The following PTPRD variants were observed in gnomAD, a reference collection of about 807,000 sequenced individuals.
PTPRD encodes the protein receptor-type tyrosine-protein phosphatase delta.
PTPRD carries 34 observed loss-of-function variants against 214.5 expected under a neutral mutation model. The ratio of observed to expected loss-of-function variants is 0.16; its 90% CI spans 0.12 to 0.21. PTPRD has a LOEUF of 0.21. PTPRD is among the 10% of genes least tolerant of loss of function. PTPRD has a pLI of 1.00. For missense variants in PTPRD, 2,545 were observed against 2,398.7 expected (o/e 1.06, Z -1.27); for synonymous variants, 1,128 against 845.7 (o/e 1.33, Z -5.79).
chr9:10,220,240 A>G (rs1800333435), intron 3 of PTPRD, among the ~76,000 whole-genome samples: 1 of 151,938 alleles, frequency 6.6e-6, no homozygotes, highest in African/African-American at 2.4e-5. Flanking sequence ...TTTTAAAATG[A>G]TGAAAAATTA....
intron 10 of PTPRD, among the ~76,000 whole-genome samples, chr9:9,101,147 A>T (rs1470473650): frequency 1.3e-5 from 2 of 151,916 alleles, no homozygotes; most frequent in African/African-American, 4.8e-5. Context: ...AGCTTTAGCA[A>T]ATGAACAATA....
intron 8 of PTPRD, among the ~76,000 whole-genome samples, chr9:9,448,790 G>C (rs1395706025): frequency 6.6e-6 from 1 of 152,000 alleles, no homozygotes; most frequent in East Asian, 1.9e-4. Context: ...GTTTTCAGCA[G>C]GGGGATTAAA....
intron 2 of PTPRD, among the ~76,000 whole-genome samples, chr9:10,497,816 C>T (rs1051099548): frequency 6.6e-6 from 1 of 151,812 alleles, no homozygotes; most frequent in Non-Finnish European, 1.5e-5. Flanking sequence ...CTAAAATTAA[C>T]GTTTATTGTT....
At chr9:9,834,928 T>A (rs534313473) in intron 5 of PTPRD, among the ~76,000 whole-genome samples, 1 of 152,050 alleles carries the variant, frequency 6.6e-6, no homozygotes, top group African/African-American at 2.4e-5. Flanking sequence ...ACCTAACAGG[T>A]ACTTTTGTTT....
intron 3 of PTPRD, among the ~76,000 whole-genome samples, chr9:10,078,077 G>A (rs2098164330): frequency 6.6e-6 from 1 of 151,162 alleles, no homozygotes; most frequent in Non-Finnish European, 1.5e-5. Context: ...ATAATTCCAA[G>A]GACCCTGAGA....
At chr9:9,492,942 C>A (rs1242446527) in intron 8 of PTPRD, among the ~76,000 whole-genome samples, 1 of 146,232 alleles carries the variant, frequency 6.8e-6, no homozygotes, top group Non-Finnish European at 1.5e-5. Flanking sequence ...ATGAACCCAA[C>A]CCATATAAGA....
At chr9:8,741,602 G>A (rs1455364435) in intron 11 of PTPRD, among the ~76,000 whole-genome samples, 19 of 32,054 alleles carry the variant, frequency 5.9e-4, no homozygotes, top group Non-Finnish European at 9.0e-4. Context: ...TTTTTTTTTT[G>A]AGATGAAGTC....
At chr9:9,982,178 GC>G (rs1198055615) in intron 4 of PTPRD, among the ~76,000 whole-genome samples, 2 of 152,066 alleles carry the variant, frequency 1.3e-5, no homozygotes, top group East Asian at 3.9e-4. Context: ...ACAGATCTGT[GC>G]CAAGAAACCT....
At chr9:9,258,716 A>G (rs1594714859) in intron 9 of PTPRD, among the ~76,000 whole-genome samples, 2 of 151,902 alleles carry the variant, frequency 1.3e-5, no homozygotes, top group South Asian at 4.1e-4. Context: ...CTTTTAGTAG[A>G]GGGTTTACAT....
chr9:10,382,603 T>C (rs1037239915), intron 2 of PTPRD, among the ~76,000 whole-genome samples: 2 of 151,948 alleles, frequency 1.3e-5, no homozygotes, highest in African/African-American at 2.4e-5. Context: ...ATATGACATA[T>C]ATTGAACAAT....
At chr9:8,842,904 C>T (rs1360583615) in intron 11 of PTPRD, among the ~76,000 whole-genome samples, 1 of 152,194 alleles carries the variant, frequency 6.6e-6, no homozygotes, top group African/African-American at 2.4e-5. Flanking sequence ...AACAAAGACA[C>T]ACTTGCTCTG....
intron 12 of PTPRD, among the ~76,000 whole-genome samples, chr9:8,655,166 A>C (rs898601863): frequency 6.6e-6 from 1 of 152,152 alleles, no homozygotes; most frequent in African/African-American, 2.4e-5. Flanking sequence ...TTGATAAAGT[A>C]CTCAACTCTC....
chr9:9,333,461 A>G (rs951241797), intron 9 of PTPRD, among the ~76,000 whole-genome samples: 2 of 145,530 alleles, frequency 1.4e-5, no homozygotes, highest in African/African-American at 2.5e-5. Flanking sequence ...CTTGGAAACA[A>G]TGATATATAA....
At chr9:8,947,014 A>ATTTTTTTTTTTTTTTT (rs143478859) in intron 11 of PTPRD, among the ~76,000 whole-genome samples, 1 of 106,962 alleles carries the variant, frequency 9.3e-6, no homozygotes, top group Admixed American at 1.0e-4. Context: ...GTCTCTCTGT[A>ATTTTTTTTTTTTTTTT]TTTTTTTTTC....
intron 4 of PTPRD, among the ~76,000 whole-genome samples, chr9:9,945,092 A>G (rs2092360130): frequency 6.6e-6 from 1 of 152,166 alleles, no homozygotes; most frequent in African/African-American, 2.4e-5. Flanking sequence ...TTGATAAAGT[A>G]TAACTGTATA....
At chr9:9,053,330 G>C (rs548448666) in intron 10 of PTPRD, among the ~76,000 whole-genome samples, 1 of 151,914 alleles carries the variant, frequency 6.6e-6, no homozygotes, top group East Asian at 1.9e-4. Context: ...TAAAAATTTT[G>C]AATCCTTTTG....
intron 3 of PTPRD, among the ~76,000 whole-genome samples, chr9:10,229,871 C>T (rs1250899734): frequency 1.3e-5 from 2 of 151,588 alleles, no homozygotes; most frequent in Non-Finnish European, 2.9e-5. Context: ...AAGATAAAAA[C>T]AAAACAAGAA....
chr9:8,684,969 C>T (rs1362331413), intron 12 of PTPRD, among the ~76,000 whole-genome samples: 2 of 152,030 alleles, frequency 1.3e-5, no homozygotes, highest in African/African-American at 4.8e-5. Flanking sequence ...GAGTAAATTG[C>T]TTTGAGTGAA....
At chr9:9,923,628 G>A (rs894811277) in intron 5 of PTPRD, among the ~76,000 whole-genome samples, 1 of 151,866 alleles carries the variant, frequency 6.6e-6, no homozygotes, top group Admixed American at 6.6e-5. Flanking sequence ...AACAAAAAGG[G>A]AATCAGGCTG....
Sources: gnomAD v4.1 joint callset for allele counts (sites outside exome capture counted in the v4.1 genomes callset) on GRCh38, gnomAD v4.1.1 for gene constraint, MANE v1.5 for transcripts, NCBI Gene and HGNC (gene_info 2026-07-23, HGNC 2026-07-21) for gene names.